Variants in RELN observed in about 807,000 individuals in gnomAD.
RELN encodes the protein reelin.
In RELN, 108 loss-of-function variants were observed where a neutral mutation model predicts 427.6. The ratio of observed to expected loss-of-function variants is 0.25; its 90% confidence interval spans 0.22 to 0.30. RELN has a LOEUF of 0.30. Ranked by LOEUF, RELN falls within the 10% of genes least tolerant of loss-of-function variation. The probability of loss-of-function intolerance (pLI) is 1.00; values close to 1 mark genes in which losing one functional copy is unlikely to be tolerated. For synonymous variants in RELN, 1,524 were observed against 1,513.4 expected (o/e 1.01, Z -0.16); for missense variants, 3,715 against 4,302.8 (o/e 0.86, Z 3.82).
intron 2 of RELN, among the ~76,000 whole-genome samples, chr7:103,898,216 G>C (rs1224955964): frequency 6.6e-6 from 1 of 151,662 alleles, no homozygotes; most frequent in Non-Finnish European, 1.5e-5. Context: ...ATTTGAAGAA[G>C]GAAGGTAAAT....
At chr7:103,696,269 G>A (rs1473029657) in intron 10 of RELN, among the ~76,000 whole-genome samples, 3 of 152,028 alleles carry the variant, frequency 2.0e-5, no homozygotes, top group Admixed American at 6.6e-5. Flanking sequence ...ACAGTTGAGG[G>A]TCTCATGACA....
chr7:103,528,194 A>C (rs1829865956), intron 46 of RELN, among the ~76,000 whole-genome samples: 1 of 152,262 alleles, frequency 6.6e-6, no homozygotes, highest in Non-Finnish European at 1.5e-5. Flanking sequence ...GTATATCCAT[A>C]AAATGGAATA....
At chr7:103,633,865 C>A (rs1465851144) in intron 19 of RELN, among the ~76,000 whole-genome samples, 1 of 151,932 alleles carries the variant, frequency 6.6e-6, no homozygotes, top group Non-Finnish European at 1.5e-5. Flanking sequence ...TTAATGGTTA[C>A]TATGGATAGT....
In RELN at chr7:103,542,826, T is replaced by C. The variant is rs1228407959; in HGVS notation, c.6576A>G (p.Arg2192=). ...FLLMSGGKPS[R]KCGILSSGNN... The stretch of plus-strand genomic sequence containing the variant: ...TTCCACTAGAAAGGATTCCACACTT[T>C]CGAGATGGTTTCCCACCACTCATTA... The change falls in exon 43 of 65, where the codon CGA becomes CGG. Residue 2192 remains arginine (R), a synonymous_variant. Coordinates refer to ENST00000428762, the MANE Select transcript of RELN (RefSeq NM_005045.4). 3 of 1,614,062 alleles carry C rather than the reference T, an allele frequency of 1.9e-6. No homozygotes were observed. The African/African-American group carries it at 4.0e-5, about 22-fold the overall frequency.
chr7:103,825,877 AT>A (rs1793125864), intron 3 of RELN, among the ~76,000 whole-genome samples: 1 of 151,954 alleles, frequency 6.6e-6, no homozygotes, highest in South Asian at 2.1e-4. Context: ...GAATGTGTGT[AT>A]GTGTGTGTGC....
intron 28 of RELN, among the ~76,000 whole-genome samples, chr7:103,582,908 C>G (rs1330816471): frequency 6.6e-6 from 1 of 152,094 alleles, no homozygotes; most frequent in Non-Finnish European, 1.5e-5. Context: ...TTTTATATGT[C>G]CAGTGTAGGT....
chr7:103,750,702 T>C (rs1044060532), intron 5 of RELN, among the ~76,000 whole-genome samples: 1 of 152,216 alleles, frequency 6.6e-6, no homozygotes, highest in African/African-American at 2.4e-5. Context: ...CTTCCCTATA[T>C]TCACTCATCT....
chr7:103,927,368 G>T (rs1156811629), intron 1 of RELN, among the ~76,000 whole-genome samples: 1 of 152,176 alleles, frequency 6.6e-6, no homozygotes, highest in African/African-American at 2.4e-5. Flanking sequence ...AATTGTTATT[G>T]CTGACATCGA....
chr7:103,545,638 ATTTTG>A (rs1207835210), intron 41 of RELN, among the ~76,000 whole-genome samples: 33 of 150,008 alleles, frequency 2.2e-4, no homozygotes, highest in African/African-American at 5.1e-4. Flanking sequence ...CATCCTTACT[ATTTTG>A]TTTTATTTTT....
chr7:103,895,840 G>A (rs1171652764), intron 2 of RELN, among the ~76,000 whole-genome samples: 1 of 151,842 alleles, frequency 6.6e-6, no homozygotes, highest in African/African-American at 2.4e-5. Context: ...AGAAAAAAAT[G>A]ATAAATTAGA....
intron 3 of RELN, among the ~76,000 whole-genome samples, chr7:103,798,839 C>T (rs1388307906): frequency 6.6e-6 from 1 of 152,206 alleles, no homozygotes; most frequent in Non-Finnish European, 1.5e-5. Context: ...ATACCATGGT[C>T]ACCCACAGCT....
At chr7:103,743,909 A>G (rs200605639) in intron 6 of RELN, among the ~76,000 whole-genome samples, 32,867 of 152,048 alleles carry the variant, frequency 0.22, 4,689 homozygotes, top group African/African-American at 0.41. Flanking sequence ...TGCACCAAGC[A>G]GACCTAATAG....
chr7:103,528,033 C>T (rs1222932628), intron 46 of RELN, among the ~76,000 whole-genome samples: 3 of 152,146 alleles, frequency 2.0e-5, no homozygotes, highest in African/African-American at 7.2e-5. Flanking sequence ...AAATGTTGAA[C>T]ATAATTACCA....
chr7:103,500,686 G>A, intron 53 of RELN, 59 bp downstream of exon 53: 1 of 1,551,846 alleles, frequency 6.4e-7, no homozygotes, highest in Non-Finnish European at 8.9e-7. Flanking sequence ...TACATAAGTT[G>A]GTTCCTAGGC....
In RELN at chr7:103,635,538, C is replaced by G. The variant is rs148510862; in HGVS notation, c.2352G>C (p.Thr784=). 2 of 1,614,006 alleles carry G rather than the reference C, an allele frequency of 1.2e-6. No individual in the cohort carries two copies. The highest frequency in any genetic ancestry group is 4.5e-5 in the East Asian group (2 of 44,862). The change falls in exon 19 of 65, where the codon ACG becomes ACC. Residue 784 remains threonine (T), a synonymous_variant. Transcript: ENST00000428762. ...LRLGSKSVLS[T]CRAPDQPGEG... is the part of the protein sequence containing the mutation. ...CACCAGGCTGATCAGGGGCTCTGCA[C>G]GTGCTCAGAACAGATTTGCTCCCCA...
At chr7:103,835,775 T>A (rs1301360565) in intron 2 of RELN, among the ~76,000 whole-genome samples, 2 of 152,182 alleles carry the variant, frequency 1.3e-5, no homozygotes, top group Non-Finnish European at 2.9e-5. Context: ...ATGCCTTCTA[T>A]ACCTTAAAGT....
intron 35 of RELN, 38 bp downstream of exon 35, chr7:103,561,775 C>T (rs555636737): frequency 4.8e-5 from 77 of 1,613,622 alleles, no homozygotes; most frequent in African/African-American, 3.6e-4. Context: ...TTTATTTTTG[C>T]GTTACAAAGA....
At chr7:103,558,510 G>C (rs544116284) in intron 36 of RELN, among the ~76,000 whole-genome samples, 2 of 152,152 alleles carry the variant, frequency 1.3e-5, no homozygotes, top group African/African-American at 2.4e-5. Context: ...CACTCTGACA[G>C]CCCCAGGGGC....
chr7:103,940,175 A>G lies in RELN; in HGVS notation c.227-22990T>C, dbSNP rs531466152. Among the ~76,000 whole-genome samples, 133 of 152,318 alleles carry G rather than the reference A, an allele frequency of 8.7e-4. 5 individuals carry two copies. In the South Asian group the frequency reaches 0.027, roughly 30 times the overall value. On this transcript the variant is annotated intron_variant, in intron 1 of 64. Transcript: ENST00000428762. ...CTCGGTAATTTACTGGGGTTGGAGG[A>G]AGGCTCATCTGGAAAGCAAAAGCGC...
Sources: gnomAD v4.1 joint callset for allele counts (sites outside exome capture counted in the v4.1 genomes callset) on GRCh38, gnomAD v4.1.1 for gene constraint, MANE v1.5 for transcripts, NCBI Gene and HGNC (gene_info 2026-07-23, HGNC 2026-07-21) for gene names.